The following FECH variants were observed in gnomAD, a reference collection of about 807,000 sequenced individuals.
The protein encoded by FECH is ferrochelatase.
In FECH, 40 loss-of-function variants were observed where a neutral mutation model predicts 56.9. The ratio of observed to expected loss-of-function variants is 0.70; its 90% CI spans 0.55 to 0.92. The LOEUF is 0.92. Ranked by LOEUF, FECH falls within the 40% of genes least tolerant of loss-of-function variation. The pLI is 0.00. For synonymous variants in FECH, 175 were observed against 198.6 expected, an observed-to-expected ratio of 0.88 and a Z score of 1.00; for missense variants, 431 against 529.1, an observed-to-expected ratio of 0.81 and a Z score of 1.82.
chr18:57,576,562 T>G (rs1599010090), intron 2 of FECH, among the ~76,000 whole-genome samples: 1 of 152,286 alleles, frequency 6.6e-6, no homozygotes, highest in East Asian at 1.9e-4. Context: ...GCTAAAAGAC[T>G]TACCTAAGCC....
chr18:57,573,053 A>G (rs1163047493), intron 3 of FECH, 193 bp downstream of exon 3: 2 of 632,340 alleles, frequency 3.2e-6, no homozygotes, highest in Admixed American at 2.7e-5. Flanking sequence ...GAGAATCCCC[A>G]CTAACTTATT....
At chr18:57,586,384 C>T (rs533421312) in intron 1 of FECH, among the ~76,000 whole-genome samples, 170 bp downstream of exon 1, 1 of 152,206 alleles carries the variant, frequency 6.6e-6, no homozygotes, top group South Asian at 2.1e-4. Context: ...GCCCTGAGTG[C>T]TGCCCTCAGC....
chr18:57,566,476 T>C lies in FECH; in HGVS notation c.569A>G (p.Gln190Arg), dbSNP rs2051018000. 3 of 1,614,100 alleles carry C rather than the reference T, an allele frequency of 1.9e-6. No individual in the cohort carries two copies. The highest frequency in any genetic ancestry group is 2.2e-5 in the East Asian group (1 of 44,900). ...GGTGGAGCAGCTGTACTGTGGATAC[T>C]GTGTGAAAGCAATAGCCCTTTCTAG... ...DGLERAIAFT[Q>R]YPQYSCSTTG... The change falls in exon 5 of 11, where the codon CAG becomes CGG. Residue 190 changes from glutamine (Q) to arginine (R), a missense_variant. Gln to Arg is a conservative substitution (Grantham distance 43). Transcript: ENST00000262093.
At chr18:57,579,184 G>A (rs555766242) in intron 2 of FECH, among the ~76,000 whole-genome samples, 3 of 151,138 alleles carry the variant, frequency 2.0e-5, no homozygotes, top group East Asian at 3.9e-4. Context: ...GGAGGTGGAG[G>A]CTGCAGTGAG....
Position 57,586,573 on chromosome 18 carries a change from G to A in FECH, c.48C>T (p.Gly16=). 3 of 1,521,964 alleles carry A rather than the reference G, an allele frequency of 2.0e-6. No homozygotes were observed. The highest frequency in any genetic ancestry group is 2.6e-6 in the Non-Finnish European group (3 of 1,141,668). The allele number at this position is 1,521,964 out of a possible 1,614,324, so 94.3% of individuals were successfully genotyped here. Residue 16 remains glycine (G), a synonymous_variant, in exon 1 of 11, where the codon GGC becomes GGT. Coordinates refer to ENST00000262093, the MANE Select transcript of FECH (RefSeq NM_000140.5). The part of the protein sequence containing the change: ...ANMAAALRAA[G]VLLRDPLASS... ...ACTTACGCGGATCGCGGAGCAGGAC[G>A]CCCGCGGCGCGCAGGGCCGCAGCCA... is the stretch of plus-strand genomic sequence containing the variant.
At chr18:57,584,195 GA>G (rs2051331059) in intron 1 of FECH, among the ~76,000 whole-genome samples, 1 of 137,332 alleles carries the variant, frequency 7.3e-6, no homozygotes, top group Non-Finnish European at 1.6e-5. Context: ...AAAAAAAAAA[GA>G]AAACAAAACT....
intron 5 of FECH, among the ~76,000 whole-genome samples, chr18:57,565,572 GA>G (rs57189114): frequency 0.027 from 3,559 of 132,354 alleles, 130 homozygotes; most frequent in African/African-American, 0.092. Flanking sequence ...TACCATCTCA[GA>G]AAAAAAAAAA....
At chr18:57,561,536 C>T (rs1324175725) in intron 6 of FECH, among the ~76,000 whole-genome samples, 1 of 152,272 alleles carries the variant, frequency 6.6e-6, no homozygotes, top group Non-Finnish European at 1.5e-5. Context: ...AAAGAGGCAC[C>T]GAGCCTCTCA....
intron 2 of FECH, among the ~76,000 whole-genome samples, chr18:57,577,672 AAG>A (rs1235657900): frequency 6.6e-6 from 1 of 152,218 alleles, no homozygotes; most frequent in African/African-American, 2.4e-5. Flanking sequence ...TATGATGATA[AAG>A]TAAATAAAAA....
chr18:57,546,696 C>G lies in FECH; in HGVS notation c.*4016G>C, dbSNP rs1488462067. ...ATTGAGTAGGCCGGGGATGGTGGCTCACGCCTGTAATCCCAACACTTTCAG... is the reference window on the plus strand; with the variant it reads ...ATTGAGTAGGCCGGGGATGGTGGCTGACGCCTGTAATCCCAACACTTTCAG... On this transcript the variant is annotated 3_prime_UTR_variant, in exon 11 of 11. Coordinates refer to ENST00000262093, the MANE Select transcript of FECH (RefSeq NM_000140.5). Among the ~76,000 whole-genome samples, 1 of 152,100 alleles carries G rather than the reference C, an allele frequency of 6.6e-6. No individual in the cohort carries two copies. The highest frequency in any genetic ancestry group is 1.5e-5 in the Non-Finnish European group (1 of 68,032).
intron 1 of FECH, among the ~76,000 whole-genome samples, chr18:57,584,178 CAAAA>C (rs373579412): frequency 9.5e-5 from 13 of 137,266 alleles, no homozygotes; most frequent in East Asian, 4.2e-4. Context: ...GACTCCGTCT[CAAAA>C]AAAAAAAAAA....
chr18:57,551,373 C>T lies in FECH; in HGVS notation c.1079G>A (p.Cys360Tyr). 1.2e-6 allele frequency: 2 copies of T among 1,612,012 alleles called. No individual in the cohort carries two copies. The highest frequency in any genetic ancestry group is 1.3e-5 in the African/African-American group (1 of 74,972). Residue 360 changes from cysteine (C) to tyrosine (Y), a missense_variant and splice_region_variant, in exon 10 of 11, where the codon TGT becomes TAT. Coordinates refer to ENST00000262093, the MANE Select transcript of FECH (RefSeq NM_000140.5). ...AGCTCTTCTGATGTTTTCAACTCCA[C>T]ACTGAATCAAATGAGAAAAGGGAGG... Reference protein sequence around the residue: ...IEYSQVLAKECGVENIRRAES... With the variant: ...IEYSQVLAKEYGVENIRRAES...
intron 2 of FECH, among the ~76,000 whole-genome samples, chr18:57,573,685 A>G (rs1393229091): frequency 6.6e-6 from 1 of 152,218 alleles, no homozygotes; most frequent in African/African-American, 2.4e-5. Context: ...TAGAAATCTA[A>G]AATTGTCCTG....
chr18:57,568,928 C>T (rs1359744823), intron 4 of FECH, among the ~76,000 whole-genome samples: 1 of 152,114 alleles, frequency 6.6e-6, no homozygotes, highest in Non-Finnish European at 1.5e-5. Flanking sequence ...TCAGGATTAT[C>T]GCATTTAATT....
At chr18:57,563,727 T>C (rs1360989961) in intron 5 of FECH, among the ~76,000 whole-genome samples, 2 of 152,102 alleles carry the variant, frequency 1.3e-5, no homozygotes, top group Non-Finnish European at 2.9e-5. Context: ...GTCATTGCTT[T>C]ACTCTAATAT....
rs2050783539 is a variant in FECH, at chr18:57,550,572, C to T, written c.*140G>A. ...ATCAAGAGTCCAATCCTCAAGAAAC[C>T]ACACAATTTGTACCCAAAGGCTGTA... On this transcript the variant is annotated 3_prime_UTR_variant, in exon 11 of 11. Coordinates refer to ENST00000262093, the MANE Select transcript of FECH (RefSeq NM_000140.5). 9.7e-7 allele frequency: 1 copy of T among 1,032,826 alleles called. No individual in the cohort carries two copies. The highest frequency in any genetic ancestry group is 1.4e-6 in the Non-Finnish European group (1 of 704,588). The allele number at this position is 1,032,826 out of a possible 1,614,324, so 64.0% of individuals were successfully genotyped here.
chr18:57,554,391 CT>C lies in FECH; in HGVS notation c.945del (p.Asp316ThrfsTer20), dbSNP rs2122248224. On this transcript the variant is annotated frameshift_variant, in exon 9 of 11. Transcript: ENST00000262093. LOFTEE classifies it high-confidence loss of function. ...VGPMPWLGPQ[T>X]DESIKGLCER... is the part of the protein sequence containing the mutation. The stretch of plus-strand genomic sequence containing the variant: ...TCACAAAGCCCTTTGATAGATTCGT[CT>C]GTTTGAGGACCCAACCAGGGCATTG... 8.1e-6 allele frequency: 13 copies of C among 1,614,210 alleles called. No homozygotes were observed. The highest frequency in any genetic ancestry group is 1.1e-5 in the Non-Finnish European group (13 of 1,180,028).
At chr18:57,575,858 G>A (rs2051178521) in intron 2 of FECH, among the ~76,000 whole-genome samples, 1 of 152,168 alleles carries the variant, frequency 6.6e-6, no homozygotes, top group Non-Finnish European at 1.5e-5. Context: ...AAGTGGATGA[G>A]GTAAAAATCT....
At chr18:57,557,733 G>C (rs1356425183) in intron 7 of FECH, among the ~76,000 whole-genome samples, 1 of 152,120 alleles carries the variant, frequency 6.6e-6, no homozygotes, top group Non-Finnish European at 1.5e-5. Flanking sequence ...GGAGGTGGAG[G>C]CTACGGTGAG....
Sources: allele counts gnomAD v4.1 joint callset (sites outside exome capture counted in the v4.1 genomes callset), GRCh38; gene constraint gnomAD v4.1.1; transcripts MANE v1.5; gene names NCBI Gene and HGNC (gene_info 2026-07-23, HGNC 2026-07-21).